XIRP2: variants seen among roughly 807,000 people sequenced by gnomAD.
The protein encoded by XIRP2 is xin actin binding repeat containing 2.
A neutral mutation model predicts 277.0 loss-of-function variants in XIRP2; 236 were observed. The observed-to-expected ratio is 0.85, with a 90% CI of 0.77 to 0.95. XIRP2 has a LOEUF of 0.95. Ranked by LOEUF, XIRP2 falls within the 40% of genes least tolerant of loss-of-function variation. The probability of loss-of-function intolerance (pLI) is 0.00; values close to 1 mark genes in which losing one functional copy is unlikely to be tolerated. For synonymous variants in XIRP2, 1,490 were observed against 1,416.5 expected (o/e 1.05, Z -1.17); for missense variants, 4,640 against 4,157.5 (o/e 1.12, Z -3.19).
chr2:166,894,038 T>C (rs1431338393), intron 1 of XIRP2, among the ~76,000 whole-genome samples: 1 of 152,150 alleles, frequency 6.6e-6, no homozygotes, highest in East Asian at 1.9e-4. Context: ...ATAATTTTTC[T>C]CTGAGTGGAT....
chr2:167,194,361 G>A (rs981734280), intron 3 of XIRP2, among the ~76,000 whole-genome samples: 2 of 152,210 alleles, frequency 1.3e-5, no homozygotes, highest in Admixed American at 6.5e-5. Flanking sequence ...GATTACAGGC[G>A]TGAGCCACCA....
chr2:167,234,458 T>C (rs915162896), intron 5 of XIRP2, among the ~76,000 whole-genome samples: 1 of 151,166 alleles, frequency 6.6e-6, no homozygotes, highest in Non-Finnish European at 1.5e-5. Flanking sequence ...TATTAAACAA[T>C]ACTGACAATG....
rs75011196 is a variant in XIRP2 at position 167,243,214 on chromosome 2, A to G, written c.1822A>G (p.Ile608Val). ...TTCCAGGGGCATTGCTGATCAAGAA[A>G]TCATTGCTGGTGGTGATGTGAAATA... is the stretch of plus-strand genomic sequence containing the variant. ...DISRGIADQE[I>V]IAGGDVKYTT... Residue 608 changes from isoleucine to valine, a missense_variant, in exon 9 of 11, where the codon ATC becomes GTC. Coordinates refer to ENST00000409195, the MANE Select transcript of XIRP2 (RefSeq NM_152381.6). 5.8e-4 allele frequency: 931 copies of G among 1,614,116 alleles called. 11 individuals are homozygous for G. In the East Asian group the frequency reaches 0.02, roughly 34 times the overall value.
intron 2 of XIRP2, among the ~76,000 whole-genome samples, chr2:166,944,890 A>G (rs1230378139): frequency 2.0e-5 from 3 of 152,044 alleles, no homozygotes; most frequent in Non-Finnish European, 2.9e-5. Flanking sequence ...GAGATCATGT[A>G]CCGAATCTTC....
At chr2:167,195,447 A>ACT (rs1254851479) in intron 3 of XIRP2, among the ~76,000 whole-genome samples, 1 of 152,278 alleles carries the variant, frequency 6.6e-6, no homozygotes, top group East Asian at 1.9e-4. Flanking sequence ...TTCAACTGAA[A>ACT]CTGAGCTTGA....
In XIRP2 at chr2:167,184,731, G is replaced by T. The variant is rs1336934572; in HGVS notation, c.563-26004G>T. On this transcript the variant is annotated intron_variant, in intron 3 of 10. Coordinates refer to ENST00000409195, the MANE Select transcript of XIRP2 (RefSeq NM_152381.6). ...CCTTACATATATTATCTCTGCAATT[G>T]ATGTCACTTTCTATTTGTCTTCCAT... 27 of 657,824 alleles carry T rather than the reference G, an allele frequency of 4.1e-5. 1 individual carries two copies. In the East Asian group the frequency reaches 7.3e-4, roughly 18 times the overall value. 40.7% of individuals were successfully genotyped at this position (657,824 alleles called of 1,614,324 possible).
chr2:167,170,166 T>A (rs962087263), intron 3 of XIRP2, among the ~76,000 whole-genome samples: 13 of 152,212 alleles, frequency 8.5e-5, no homozygotes, highest in South Asian at 4.2e-4. Flanking sequence ...TTTAAAAATT[T>A]TTTTAAATGA....
intron 3 of XIRP2, among the ~76,000 whole-genome samples, chr2:167,154,772 A>T (rs1692131824): frequency 2.0e-5 from 3 of 152,126 alleles, no homozygotes; most frequent in South Asian, 2.1e-4. Flanking sequence ...AAATAGAGAC[A>T]CAAAAAACCC....
At chr2:167,073,771 G>A (rs367744516) in intron 2 of XIRP2, among the ~76,000 whole-genome samples, 1 of 152,118 alleles carries the variant, frequency 6.6e-6, no homozygotes, top group Non-Finnish European at 1.5e-5. Flanking sequence ...AACTAGAGGG[G>A]CCAGTTTTCT....
intron 2 of XIRP2, among the ~76,000 whole-genome samples, chr2:166,967,396 T>C (rs2105415476): frequency 6.6e-6 from 1 of 151,994 alleles, no homozygotes; most frequent in South Asian, 2.1e-4. Context: ...AGCCACTTAC[T>C]CCATGGAAGC....
At chr2:167,165,756 C>T (rs1000068900) in intron 3 of XIRP2, among the ~76,000 whole-genome samples, 6 of 152,146 alleles carry the variant, frequency 3.9e-5, no homozygotes, top group Non-Finnish European at 7.4e-5. Flanking sequence ...TCAGATAAGT[C>T]TTTTGCAAAT....
chr2:167,184,777 A>G, intron 3 of XIRP2: 1 of 621,786 alleles, frequency 1.6e-6, no homozygotes, highest in Non-Finnish European at 2.9e-6. Flanking sequence ...GCCTGATGCT[A>G]ATTACTAGCA....
At chr2:166,959,998 T>G (rs939369557) in intron 2 of XIRP2, among the ~76,000 whole-genome samples, 1 of 151,794 alleles carries the variant, frequency 6.6e-6, no homozygotes, top group East Asian at 1.9e-4. Context: ...TAGCACTTCA[T>G]CTATTCTTAC....
intron 3 of XIRP2, among the ~76,000 whole-genome samples, chr2:167,186,254 GA>G (rs1447988940): frequency 6.6e-6 from 1 of 152,148 alleles, no homozygotes; most frequent in African/African-American, 2.4e-5. Flanking sequence ...CACTATCTCA[GA>G]AAGTTGTTCT....
chr2:167,018,146 C>A (rs893121492), intron 2 of XIRP2, among the ~76,000 whole-genome samples: 1 of 152,012 alleles, frequency 6.6e-6, no homozygotes, highest in Admixed American at 6.6e-5. Context: ...AACCAGCCAA[C>A]TCCACAGCCT....
chr2:167,054,088 T>TGAAACCTCTTAATATTGATTA (rs1688985013), intron 2 of XIRP2, among the ~76,000 whole-genome samples: 1 of 152,196 alleles, frequency 6.6e-6, no homozygotes, highest in Admixed American at 6.5e-5. Context: ...TCTATCATGG[T>TGAAACCTCTTAATATTGATTA]GAAACCTCTT....
intron 2 of XIRP2, among the ~76,000 whole-genome samples, chr2:167,082,516 G>T (rs1406436040): frequency 6.6e-6 from 1 of 151,918 alleles, no homozygotes; most frequent in African/African-American, 2.4e-5. Flanking sequence ...CTGAGGAATC[G>T]CCACACTGAC....
At chr2:167,062,669 T>G (rs1370098939) in intron 2 of XIRP2, among the ~76,000 whole-genome samples, 1 of 152,172 alleles carries the variant, frequency 6.6e-6, no homozygotes, top group Non-Finnish European at 1.5e-5. Context: ...GAAAAGTTTT[T>G]ACTACGATGT....
intron 2 of XIRP2, among the ~76,000 whole-genome samples, chr2:167,023,357 C>T (rs1688044220): frequency 6.6e-6 from 1 of 151,746 alleles, no homozygotes; most frequent in African/African-American, 2.4e-5. Context: ...GGATATTAGC[C>T]CTTTGTCAGA....
Sources: allele counts gnomAD v4.1 joint callset (sites outside exome capture counted in the v4.1 genomes callset), GRCh38; gene constraint gnomAD v4.1.1; transcripts MANE v1.5; gene names NCBI Gene and HGNC (gene_info 2026-07-23, HGNC 2026-07-21).